The following METTL8 variants were observed in gnomAD, a reference collection of about 807,000 sequenced individuals.
METTL8 encodes the protein methyltransferase 8, tRNA N3-cytidine, also known as tRNA N(3)-cytidine methyltransferase METTL8, mitochondrial.
METTL8 carries 32 observed loss-of-function variants against 48.7 expected under a neutral mutation model. The ratio of observed to expected loss-of-function variants is 0.66; its 90% confidence interval spans 0.50 to 0.88. The LOEUF is 0.88. Ranked by LOEUF, METTL8 falls within the 40% of genes least tolerant of loss-of-function variation. METTL8 has a pLI of 0.00. For missense variants in METTL8, 464 were observed against 474.4 expected (o/e 0.98, Z 0.20); for synonymous variants, 136 against 157.1 (o/e 0.87, Z 1.01).
chr2:171,352,023 TC>T (rs1683989176), intron 3 of METTL8, among the ~76,000 whole-genome samples: 1 of 152,208 alleles, frequency 6.6e-6, no homozygotes, highest in African/African-American at 2.4e-5. Flanking sequence ...AGAGAGGACA[TC>T]CCTGTTTTGT....
At chr2:171,398,192 C>T (rs1689294744) in intron 1 of METTL8, among the ~76,000 whole-genome samples, 1 of 152,048 alleles carries the variant, frequency 6.6e-6, no homozygotes, top group African/African-American at 2.4e-5. Context: ...ATTTGTACAC[C>T]CATATTCATA....
chr2:171,326,086 C>T lies in METTL8; in HGVS notation c.923G>A (p.Arg308Gln), dbSNP rs61731488. 200 of 1,549,674 alleles carry T rather than the reference C, an allele frequency of 1.3e-4. No homozygotes were observed. In the African/African-American group the frequency reaches 2.2e-3, roughly 17 times the overall value. The change falls in exon 8 of 10, where the codon CGA becomes CAA. Residue 308 changes from arginine to glutamine, a missense_variant. Coordinates refer to ENST00000375258, the MANE Select transcript of METTL8 (RefSeq NM_001321154.2). ...AGTCTTATCATATCTTCCATAGTCT[C>T]GAAATAACAGCATTCCCCCAGGTTT... ...LLKPGGMLLF[R>Q]DYGRYDKTQL... is the part of the protein sequence containing the mutation.
chr2:171,363,548 A>G (rs1685377570), intron 2 of METTL8, among the ~76,000 whole-genome samples: 1 of 151,944 alleles, frequency 6.6e-6, no homozygotes, highest in Non-Finnish European at 1.5e-5. Flanking sequence ...ACTTACTGAA[A>G]CGAAGTAACT....
At chr2:171,402,835 A>T (rs919061015) in intron 1 of METTL8, among the ~76,000 whole-genome samples, 1 of 152,140 alleles carries the variant, frequency 6.6e-6, no homozygotes, top group Non-Finnish European at 1.5e-5. Flanking sequence ...GTGCACACAC[A>T]TACACCCGAA....
At position 171,317,180 on chromosome 2, in the gene METTL8, C is replaced by T. The variant is rs764026888; in HGVS notation, c.*6992G>A. Among the ~76,000 whole-genome samples the T allele has an allele frequency of 6.6e-6, 1 of 152,162 alleles. No individual in the cohort carries two copies. Among genetic ancestry groups the T allele is most frequent in the Non-Finnish European group, 1.5e-5 (1 of 68,034 alleles). On this transcript the variant is annotated 3_prime_UTR_variant, in exon 10 of 10. Coordinates refer to ENST00000375258, the MANE Select transcript of METTL8 (RefSeq NM_001321154.2). Reference sequence around the variant, plus strand: ...TTAGTGCTTGCTTCCAGCGGAAAAGCCTTAAAAGCCCAAAGGGTGACTGTC... The same window carrying T: ...TTAGTGCTTGCTTCCAGCGGAAAAGTCTTAAAAGCCCAAAGGGTGACTGTC...
At chr2:171,397,553 CAAAA>C (rs34936693) in intron 1 of METTL8, among the ~76,000 whole-genome samples, 3 of 52,130 alleles carry the variant, frequency 5.8e-5, no homozygotes, top group Admixed American at 2.4e-4. Context: ...AACCCTGCCT[CAAAA>C]AAAAAAAAAA....
At chr2:171,428,453 C>T (rs1313980446) in intron 1 of METTL8, among the ~76,000 whole-genome samples, 1 of 151,516 alleles carries the variant, frequency 6.6e-6, no homozygotes, top group Non-Finnish European at 1.5e-5. Context: ...CCCAGGAGTT[C>T]AGCACCAGCC....
chr2:171,383,716 T>G (rs567647395), intron 2 of METTL8, among the ~76,000 whole-genome samples: 1 of 152,354 alleles, frequency 6.6e-6, no homozygotes, highest in East Asian at 1.9e-4. Flanking sequence ...CAAGTAACTG[T>G]GTAAGTTGCT....
At chr2:171,361,269 A>G (rs1346861152) in intron 2 of METTL8, among the ~76,000 whole-genome samples, 1 of 150,660 alleles carries the variant, frequency 6.6e-6, no homozygotes, top group Non-Finnish European at 1.5e-5. Context: ...TTTTTTTGCA[A>G]TAGGTTAGAC....
intron 3 of METTL8, among the ~76,000 whole-genome samples, chr2:171,356,202 A>G (rs1197332521): frequency 2.0e-5 from 3 of 151,986 alleles, no homozygotes; most frequent in Non-Finnish European, 4.4e-5. Flanking sequence ...GTGCAATGGC[A>G]TGATCTTGAC....
chr2:171,348,138 A>G (rs1041606272), intron 3 of METTL8, among the ~76,000 whole-genome samples: 2 of 152,210 alleles, frequency 1.3e-5, no homozygotes, highest in African/African-American at 4.8e-5. Context: ...TCACCAGAAC[A>G]ATAGTTAACT....
At chr2:171,432,755 C>T (rs1693220861) in intron 1 of METTL8, among the ~76,000 whole-genome samples, 1 of 152,198 alleles carries the variant, frequency 6.6e-6, no homozygotes, top group Non-Finnish European at 1.5e-5. Flanking sequence ...TGACCCAACA[C>T]ACTCACCCAG....
chr2:171,343,063 A>C (rs1686935399), intron 3 of METTL8, among the ~76,000 whole-genome samples: 1 of 152,346 alleles, frequency 6.6e-6, no homozygotes, highest in East Asian at 1.9e-4. Context: ...AAAAGTGGGG[A>C]AAACTCAAAT....
intron 1 of METTL8, among the ~76,000 whole-genome samples, chr2:171,397,352 T>TAAAAAAAAAAA (rs71013039): frequency 1.7e-4 from 2 of 11,706 alleles, no homozygotes; most frequent in African/African-American, 2.8e-4. Flanking sequence ...ACCCTGTCTC[T>TAAAAAAAAAAA]AAAAAAAAAA....
At chr2:171,415,399 C>G (rs1691212247) in intron 1 of METTL8, among the ~76,000 whole-genome samples, 1 of 137,496 alleles carries the variant, frequency 7.3e-6, no homozygotes, top group South Asian at 2.3e-4. Flanking sequence ...GTTGCCCAGG[C>G]TGGAGTGCAG....
chr2:171,412,504 G>C (rs1690847790), intron 1 of METTL8, among the ~76,000 whole-genome samples: 1 of 152,016 alleles, frequency 6.6e-6, no homozygotes, highest in Non-Finnish European at 1.5e-5. Context: ...CGAATTCCTG[G>C]GGAACCCTAC....
upstream of METTL8, chr2:171,434,651 C>T (rs952948192): frequency 2.6e-6 from 4 of 1,535,896 alleles, no homozygotes; most frequent in Admixed American, 1.9e-5. Flanking sequence ...TCGCGCGACG[C>T]AGGCGTGGTG....
intron 1 of METTL8, among the ~76,000 whole-genome samples, chr2:171,415,798 T>C (rs1691259047): frequency 6.6e-6 from 1 of 152,168 alleles, no homozygotes; most frequent in South Asian, 2.1e-4. Context: ...TAATAGGCAG[T>C]AGGTGACAGC....
intron 7 of METTL8, 31 bp from the exon 8 acceptor site, chr2:171,326,179 A>AG (rs778603416): frequency 8.3e-7 from 1 of 1,203,984 alleles, no homozygotes; most frequent in South Asian, 1.4e-5. Context: ...AAAGATACCC[A>AG]GTTTGTAGAA....
Sources: gnomAD v4.1 joint callset for allele counts (sites outside exome capture counted in the v4.1 genomes callset) on GRCh38, gnomAD v4.1.1 for gene constraint, MANE v1.5 for transcripts, NCBI Gene and HGNC (gene_info 2026-07-23, HGNC 2026-07-21) for gene names.